ACSS2: variants seen among roughly 807,000 people sequenced by gnomAD.
The protein encoded by ACSS2 is acetyl-coenzyme A synthetase, cytoplasmic.
A neutral mutation model predicts 90.6 loss-of-function variants in ACSS2; 58 were observed. The ratio of observed to expected loss-of-function variants is 0.64; its 90% CI spans 0.52 to 0.80. The LOEUF (loss-of-function observed/expected upper bound fraction) is 0.80, where lower values mean the gene tolerates loss of function less well. Ranked by LOEUF, ACSS2 falls within the 30% of genes least tolerant of loss-of-function variation. The pLI is 0.00. For synonymous variants in ACSS2, 300 were observed against 330.9 expected (o/e 0.91, Z 1.01); for missense variants, 759 against 912.0 (o/e 0.83, Z 2.16).
intron 7 of ACSS2, among the ~76,000 whole-genome samples, chr20:34,915,457 A>G (rs2081058662): frequency 6.6e-6 from 1 of 152,178 alleles, no homozygotes; most frequent in African/African-American, 2.4e-5. Context: ...GGTATAGAGT[A>G]TGGATCTTAG....
At chr20:34,876,876 C>A in intron 1 of ACSS2, 53 bp downstream of exon 1, 2 of 1,196,404 alleles carry the variant, frequency 1.7e-6, no homozygotes, top group Non-Finnish European at 1.1e-6. Flanking sequence ...AGAGTGGGGG[C>A]TCCCTGGGGG....
chr20:34,894,600 G>A (rs1340353402), intron 2 of ACSS2, among the ~76,000 whole-genome samples: 1 of 152,170 alleles, frequency 6.6e-6, no homozygotes, highest in African/African-American at 2.4e-5. Context: ...GGGAGGTTGA[G>A]GCTGCAGTGA....
At chr20:34,881,458 A>G (rs922024214) in intron 1 of ACSS2, among the ~76,000 whole-genome samples, 3 of 152,194 alleles carry the variant, frequency 2.0e-5, no homozygotes, top group Admixed American at 6.5e-5. Flanking sequence ...AAATTTGATC[A>G]TGTTACTTGC....
intron 2 of ACSS2, among the ~76,000 whole-genome samples, chr20:34,888,000 AC>A (rs1568966555): frequency 7.0e-6 from 1 of 143,680 alleles, no homozygotes; most frequent in African/African-American, 2.6e-5. Flanking sequence ...AACCCAGGAG[AC>A]AGAGGTTGCA....
chr20:34,902,927 T>C (rs2080705084), intron 2 of ACSS2, among the ~76,000 whole-genome samples: 1 of 150,712 alleles, frequency 6.6e-6, no homozygotes, highest in African/African-American at 2.4e-5. Context: ...GAGAGAGCAT[T>C]TCGCTATGTT....
At chr20:34,914,510 G>A in intron 7 of ACSS2, 73 bp downstream of exon 7, 1 of 1,317,366 alleles carries the variant, frequency 7.6e-7, no homozygotes, top group South Asian at 1.4e-5. Context: ...AATTCTTGAT[G>A]TCCTTCTTTG....
intron 2 of ACSS2, among the ~76,000 whole-genome samples, chr20:34,883,797 A>T (rs1011113132): frequency 1.3e-5 from 2 of 152,160 alleles, no homozygotes; most frequent in African/African-American, 4.8e-5. Context: ...AATTTCTAAG[A>T]CTGCTTCTCC....
chr20:34,921,793 C>T lies in ACSS2; in HGVS notation c.1475C>T (p.Pro492Leu). The change falls in exon 13 of 18, where the codon CCA (proline) becomes CTA (leucine). Residue 492 changes from proline to leucine, a missense_variant. Pro to Leu is a moderately conservative substitution (Grantham distance 98). Transcript: ENST00000360596. ...TCTCCCGTTTGCTTCTAGACTTTCC[C>T]ATTCTTTGGTGTAGCTCCTGCAATC... Reference protein sequence around the residue: ...TPMKPGSATFPFFGVAPAILN... With the variant: ...TPMKPGSATFLFFGVAPAILN... 4 of 1,613,638 alleles carry T rather than the reference C, an allele frequency of 2.5e-6. No homozygotes were observed. The highest frequency in any genetic ancestry group is 1.1e-5 in the South Asian group (1 of 91,014).
upstream of ACSS2, chr20:34,876,489 G>GC (rs974368494): frequency 8.3e-6 from 5 of 602,238 alleles, no homozygotes; most frequent in African/African-American, 5.8e-5. Flanking sequence ...ACACGGCCCC[G>GC]CCCCCTCTGG....
chr20:34,885,309 G>A (rs1255659399), intron 2 of ACSS2, among the ~76,000 whole-genome samples: 4 of 152,168 alleles, frequency 2.6e-5, no homozygotes, highest in Non-Finnish European at 4.4e-5. Flanking sequence ...AAGAACTCAG[G>A]TGCCTAATGG....
rs141085032 is a variant in ACSS2, at chr20:34,876,842, G to T, written c.178+19G>T. 2 of 1,271,000 alleles carry T rather than the reference G, an allele frequency of 1.6e-6. No individual in the cohort carries two copies. The highest frequency in any genetic ancestry group is 4.2e-5 in the Admixed American group (1 of 23,750). The allele number at this position is 1,271,000 out of a possible 1,614,324, so 78.7% of individuals were successfully genotyped here. On this transcript the variant is annotated intron_variant, in intron 1 of 17. Transcript: ENST00000360596. ...CCGCGGGGTGAGGCCCGGCCCGGGC[G>T]GGCCTGGGGTGTCAGTGAGGAGAAG...
At chr20:34,876,605 C>A, upstream of ACSS2, 2 of 1,296,684 alleles carry the variant, frequency 1.5e-6, no homozygotes, top group Non-Finnish European at 2.0e-6. Context: ...CGGCACCCGC[C>A]GCGACCGCAA....
At chr20:34,918,996 A>G (rs532894875) in intron 7 of ACSS2, among the ~76,000 whole-genome samples, 1 of 152,322 alleles carries the variant, frequency 6.6e-6, no homozygotes, top group South Asian at 2.1e-4. Flanking sequence ...GGAGACAGTA[A>G]TCAAGTAGAC....
chr20:34,875,189 A>T, upstream of ACSS2: 1 of 534,382 alleles, frequency 1.9e-6, no homozygotes, highest in Non-Finnish European at 3.8e-6. Context: ...TGGAGGGGCT[A>T]GAGAGAAGCT....
In ACSS2 at chr20:34,910,114, C is replaced by T. The variant is rs573013655; in HGVS notation, c.375-2982C>T. 7.9e-5 allele frequency among the ~76,000 whole-genome samples: 12 copies of T among 152,066 alleles called. No homozygotes were observed. The East Asian group carries it at 1.4e-3, about 17-fold the overall frequency. ...TCAGCTTGCTGCAACCTCCATTTCC[C>T]GGATTCAAGCGATTCTCCTGCTTCA... On this transcript the variant is annotated intron_variant, in intron 2 of 17. Coordinates refer to ENST00000360596, the MANE Select transcript of ACSS2 (RefSeq NM_018677.4).
At chr20:34,926,020 C>A in intron 15 of ACSS2, 85 bp from the exon 16 acceptor site, 1 of 1,469,690 alleles carries the variant, frequency 6.8e-7, no homozygotes, top group Non-Finnish European at 9.5e-7. Context: ...TTGGCCAGAC[C>A]AGGACTGCCC....
intron 2 of ACSS2, chr20:34,909,046 T>A (rs2080881436): frequency 2.6e-6 from 1 of 384,546 alleles, no homozygotes; most frequent in African/African-American, 2.1e-5. Flanking sequence ...CTGAGAAAGA[T>A]AATGAAATAG....
chr20:34,891,150 A>G (rs959031413), intron 2 of ACSS2, among the ~76,000 whole-genome samples: 2 of 152,164 alleles, frequency 1.3e-5, no homozygotes, highest in African/African-American at 4.8e-5. Flanking sequence ...TCTCAAATAC[A>G]CACACTACAT....
upstream of ACSS2, chr20:34,876,384 G>C: frequency 2.8e-6 from 1 of 354,318 alleles, no homozygotes; most frequent in Middle Eastern, 7.2e-4. Flanking sequence ...TCACTCGACG[G>C]CGTCACTCCT....
Sources: allele counts gnomAD v4.1 joint callset (sites outside exome capture counted in the v4.1 genomes callset), GRCh38; gene constraint gnomAD v4.1.1; transcripts MANE v1.5; gene names NCBI Gene and HGNC (gene_info 2026-07-23, HGNC 2026-07-21).